The following TPST2 variants were observed in gnomAD, a reference collection of about 807,000 sequenced individuals.
TPST2 encodes the protein protein-tyrosine sulfotransferase 2.
A neutral mutation model predicts 27.8 loss-of-function variants in TPST2; 16 were observed. The observed-to-expected ratio is 0.58, with a 90% CI of 0.39 to 0.88. The LOEUF is 0.88. Among genes scored for constraint, TPST2 ranks in the 40% least tolerant of loss-of-function variants. The probability of loss-of-function intolerance (pLI) is 0.00; values close to 1 mark genes in which losing one functional copy is unlikely to be tolerated. For synonymous variants in TPST2, 229 were observed against 231.7 expected, an observed-to-expected ratio of 0.99 and a Z score of 0.10; for missense variants, 464 against 543.1, an observed-to-expected ratio of 0.85 and a Z score of 1.45.
At chr22:26,562,349 C>A (rs1015517759) in intron 1 of TPST2, among the ~76,000 whole-genome samples, 3 of 152,204 alleles carry the variant, frequency 2.0e-5, no homozygotes, top group African/African-American at 7.2e-5. Context: ...GCAGCACCCC[C>A]ACCATGAGCC....
chr22:26,579,009 C>G (rs1407496601), intron 1 of TPST2, among the ~76,000 whole-genome samples: 1 of 152,044 alleles, frequency 6.6e-6, no homozygotes, highest in Non-Finnish European at 1.5e-5. Flanking sequence ...CACCACCATG[C>G]CCGGCTGATT....
At chr22:26,534,759 A>C (rs1925354989) in intron 4 of TPST2, among the ~76,000 whole-genome samples, 1 of 152,208 alleles carries the variant, frequency 6.6e-6, no homozygotes, top group African/African-American at 2.4e-5. Context: ...CCAGTTAATT[A>C]ATTTTTTATT....
At chr22:26,587,359 CAG>C (rs1023585084) in intron 1 of TPST2, among the ~76,000 whole-genome samples, 5 of 152,184 alleles carry the variant, frequency 3.3e-5, no homozygotes, top group South Asian at 2.1e-4. Flanking sequence ...GGTATTTTCA[CAG>C]AGTCTTGCTC....
At chr22:26,528,188 A>AC in intron 6 of TPST2, 26 bp downstream of exon 6, 1 of 1,555,576 alleles carries the variant, frequency 6.4e-7, no homozygotes, top group Non-Finnish European at 8.7e-7. Context: ...AGCAGCGGGA[A>AC]CCCCCAGTGA....
chr22:26,587,647 A>G (rs976163317), intron 1 of TPST2, among the ~76,000 whole-genome samples: 7 of 152,152 alleles, frequency 4.6e-5, no homozygotes, highest in Admixed American at 1.3e-4. Flanking sequence ...GCCTGAAAAT[A>G]GTTTACAACT....
At chr22:26,570,053 A>AAGACAGACAGAC (rs1569193966) in intron 1 of TPST2, among the ~76,000 whole-genome samples, 25 of 131,612 alleles carry the variant, frequency 1.9e-4, no homozygotes, top group Middle Eastern at 3.7e-3. Context: ...GACAGAAAGA[A>AAGACAGACAGAC]AGAAAGAAAG....
In TPST2 at chr22:26,541,071, G is replaced by A; in HGVS notation, c.560C>T (p.Ala187Val). 1 of 1,611,950 alleles carries A rather than the reference G, an allele frequency of 6.2e-7. No individual in the cohort carries two copies. The highest frequency in any genetic ancestry group is 1.1e-5 in the South Asian group (1 of 91,018). Reference sequence around the variant, plus strand: ...GCGCGTGATCATGGAGTGCACGGAGGCCCGGCCGTCCCGCACCATCAGCAG... The same window carrying A: ...GCGCGTGATCATGGAGTGCACGGAGACCCGGCCGTCCCGCACCATCAGCAG... ...KFLLMVRDGR[A>V]SVHSMITRKV... The change falls in exon 3 of 7, where the codon GCC becomes GTC. Residue 187 changes from alanine (A) to valine (V), a missense_variant. Ala to Val is a moderately conservative substitution (Grantham distance 64). Coordinates refer to ENST00000338754, the MANE Select transcript of TPST2 (RefSeq NM_003595.5). This position sits in a 1 kb window ranked among gnomAD's most constrained non-coding sequence, Gnocchi z 5.9.
At chr22:26,552,206 A>G (rs961164619) in intron 1 of TPST2, among the ~76,000 whole-genome samples, 1 of 152,176 alleles carries the variant, frequency 6.6e-6, no homozygotes, top group African/African-American at 2.4e-5. Context: ...CAGTCATTAC[A>G]GCACATGGAT....
At chr22:26,545,348 T>G (rs1602267115) in intron 1 of TPST2, among the ~76,000 whole-genome samples, 1 of 152,166 alleles carries the variant, frequency 6.6e-6, no homozygotes, top group African/African-American at 2.4e-5. Context: ...TCCAGATCTG[T>G]AAGACCTTCC....
chr22:26,542,374 C>T (rs1054774069), intron 2 of TPST2, among the ~76,000 whole-genome samples: 4 of 151,844 alleles, frequency 2.6e-5, no homozygotes, highest in African/African-American at 4.8e-5. Flanking sequence ...CACACACCAC[C>T]GCACCTGGCT....
chr22:26,528,328 G>A (rs1569175370), intron 5 of TPST2, 66 bp from the exon 6 acceptor site: 6 of 1,529,634 alleles, frequency 3.9e-6, no homozygotes, highest in African/African-American at 1.4e-5. Flanking sequence ...CTGTATTGAG[G>A]GTCACCCCTC....
At chr22:26,561,941 T>G (rs534204790) in intron 1 of TPST2, among the ~76,000 whole-genome samples, 153 of 152,268 alleles carry the variant, frequency 1.0e-3, no homozygotes, top group African/African-American at 3.5e-3. Flanking sequence ...CTGGCAGTCC[T>G]CCCAGTGCTG....
chr22:26,529,909 G>A (rs925142072), intron 5 of TPST2, among the ~76,000 whole-genome samples: 4 of 152,084 alleles, frequency 2.6e-5, no homozygotes, highest in Non-Finnish European at 1.5e-5. Context: ...TAGGGACCAT[G>A]GCTTTTGAGC....
chr22:26,556,879 G>C (rs949066418), intron 1 of TPST2, among the ~76,000 whole-genome samples: 5 of 152,156 alleles, frequency 3.3e-5, no homozygotes, highest in African/African-American at 1.2e-4. Flanking sequence ...AGAAACACTT[G>C]ATGGCATATT....
At chr22:26,532,331 A>G (rs910258695) in intron 5 of TPST2, among the ~76,000 whole-genome samples, 15 of 152,210 alleles carry the variant, frequency 9.9e-5, no homozygotes, top group African/African-American at 3.6e-4. Flanking sequence ...CTCGGGCTAC[A>G]GTGCAACGGC....
intron 1 of TPST2, among the ~76,000 whole-genome samples, chr22:26,561,419 C>T (rs551393540): frequency 1.2e-4 from 19 of 152,218 alleles, no homozygotes; most frequent in African/African-American, 4.6e-4. Context: ...AAATTTAAAG[C>T]GGGTTCTTGT....
intron 6 of TPST2, among the ~76,000 whole-genome samples, 166 bp from the exon 7 acceptor site, chr22:26,526,433 G>A (rs1422387073): frequency 2.0e-5 from 3 of 152,142 alleles, no homozygotes; most frequent in Non-Finnish European, 2.9e-5. Flanking sequence ...ATTTAAAAAC[G>A]TTTCCTGGGT....
At chr22:26,551,511 C>G (rs1926467572) in intron 1 of TPST2, among the ~76,000 whole-genome samples, 2 of 152,192 alleles carry the variant, frequency 1.3e-5, no homozygotes, top group South Asian at 4.1e-4. Flanking sequence ...AAGGAAAACT[C>G]AAGTCTCTCT....
intron 1 of TPST2, among the ~76,000 whole-genome samples, chr22:26,552,599 G>A (rs563550475): frequency 6.6e-6 from 1 of 152,062 alleles, no homozygotes; most frequent in Non-Finnish European, 1.5e-5. Context: ...TTGGCTCTGT[G>A]GGCCACAAGA....
Sources: allele counts gnomAD v4.1 joint callset (sites outside exome capture counted in the v4.1 genomes callset), GRCh38; gene constraint gnomAD v4.1.1; non-coding constraint Gnocchi (gnomAD v3.1); transcripts MANE v1.5; gene names NCBI Gene and HGNC (gene_info 2026-07-23, HGNC 2026-07-21).